UNC79: variants seen among roughly 807,000 people sequenced by gnomAD.
UNC79 encodes the protein unc-79 subunit of NALCN channel complex.
Under a neutral mutation model 283.1 loss-of-function variants are expected in UNC79, and 37 were observed. The ratio of observed to expected loss-of-function variants is 0.13; its 90% confidence interval spans 0.10 to 0.17. UNC79 has a LOEUF of 0.17. UNC79 is among the 10% of genes least tolerant of loss of function. The probability of loss-of-function intolerance (pLI) is 1.00; values close to 1 mark genes in which losing one functional copy is unlikely to be tolerated. For synonymous variants in UNC79, 1,107 were observed against 1,200.2 expected, an observed-to-expected ratio of 0.92 and a Z score of 1.61; for missense variants, 2,272 against 3,211.1, an observed-to-expected ratio of 0.71 and a Z score of 7.07.
At chr14:93,657,437 C>T (rs965512736) in intron 38 of UNC79, among the ~76,000 whole-genome samples, 63 of 151,586 alleles carry the variant, frequency 4.2e-4, no homozygotes, top group Non-Finnish European at 7.2e-4. Context: ...CTGCAAGCTC[C>T]GCCTCCTGGG....
At chr14:93,337,667 G>C (rs2053607750) in intron 1 of UNC79, among the ~76,000 whole-genome samples, 1 of 152,276 alleles carries the variant, frequency 6.6e-6, no homozygotes, top group Middle Eastern at 3.4e-3. Context: ...AACACAAATG[G>C]GCTGAAACAT....
At chr14:93,505,332 A>G (rs1296032667) in intron 7 of UNC79, among the ~76,000 whole-genome samples, 7 of 152,038 alleles carry the variant, frequency 4.6e-5, no homozygotes, top group African/African-American at 1.7e-4. Flanking sequence ...ATATATTTTC[A>G]GGCTGCATTA....
chr14:93,476,303 C>T (rs990848128), intron 3 of UNC79, among the ~76,000 whole-genome samples: 1 of 152,186 alleles, frequency 6.6e-6, no homozygotes, highest in African/African-American at 2.4e-5. Context: ...ACAATCACCT[C>T]TCTCCGGACC....
intron 1 of UNC79, among the ~76,000 whole-genome samples, chr14:93,461,849 A>G (rs2056972165): frequency 6.6e-6 from 1 of 152,134 alleles, no homozygotes; most frequent in Admixed American, 6.6e-5. Flanking sequence ...GACCTCCATA[A>G]TGAGGAAGGG....
chr14:93,385,328 GTCT>G (rs937920260), intron 1 of UNC79, among the ~76,000 whole-genome samples: 1 of 152,106 alleles, frequency 6.6e-6, no homozygotes, highest in African/African-American at 2.4e-5. Context: ...ATTTTTTGGT[GTCT>G]TCTTTAATTT....
intron 14 of UNC79, among the ~76,000 whole-genome samples, chr14:93,551,120 GC>G (rs1295748777): frequency 6.6e-6 from 1 of 152,114 alleles, no homozygotes; most frequent in Admixed American, 6.5e-5. Context: ...CGCAATCTCG[GC>G]TCACTGCAAG....
At chr14:93,701,374 A>C (rs953513473) in intron 47 of UNC79, among the ~76,000 whole-genome samples, 2 of 152,200 alleles carry the variant, frequency 1.3e-5, no homozygotes, top group African/African-American at 4.8e-5. Context: ...TTTAATTTTG[A>C]GGGCTGGAAT....
intron 46 of UNC79, 87 bp downstream of exon 49, chr14:93,692,033 A>T: frequency 6.8e-7 from 1 of 1,467,394 alleles, no homozygotes; most frequent in Admixed American, 1.7e-5. Context: ...GTTTTCACAG[A>T]TCTCAGTTGT....
chr14:93,394,039 C>T (rs1454618856), intron 1 of UNC79, among the ~76,000 whole-genome samples: 1 of 152,040 alleles, frequency 6.6e-6, no homozygotes, highest in Non-Finnish European at 1.5e-5. Context: ...GTGTCTTCTA[C>T]ACAGAATTCC....
rs550641646 is a variant in UNC79, at chr14:93,503,948, T to A, written c.898+6662T>A. ...TGTATCTGGAATTAATTTTTCTATATGGTATGAGGTAACGGCCAATCTCTT... is the reference window on the plus strand; with the variant it reads ...TGTATCTGGAATTAATTTTTCTATAAGGTATGAGGTAACGGCCAATCTCTT... On this transcript the variant is annotated intron_variant, in intron 7 of 48. Transcript: ENST00000555664. 5.3e-5 allele frequency among the ~76,000 whole-genome samples: 8 copies of A among 152,064 alleles called. No individual in the cohort carries two copies. The South Asian group carries it at 6.2e-4, about 12-fold the overall frequency.
chr14:93,539,249 G>T (rs1242260065), intron 12 of UNC79, among the ~76,000 whole-genome samples: 1 of 149,792 alleles, frequency 6.7e-6, no homozygotes, highest in African/African-American at 2.4e-5. Context: ...ATGGCCGGGC[G>T]CAGTGGCTCG....
At chr14:93,537,280 G>A (rs2061137803) in intron 11 of UNC79, among the ~76,000 whole-genome samples, 1 of 152,198 alleles carries the variant, frequency 6.6e-6, no homozygotes, top group South Asian at 2.1e-4. Context: ...AATGTCTTAC[G>A]CTCCACCACT....
At chr14:93,600,602 A>G (rs1281900824) in exon 25 of UNC79, 4 of 1,611,590 alleles carry the variant, frequency 2.5e-6, no homozygotes, top group Non-Finnish European at 1.7e-6. Flanking sequence ...CCAGTTTGAT[A>G]CTGTGGTTAA....
At chr14:93,467,381 T>C (rs1313776652) in intron 1 of UNC79, among the ~76,000 whole-genome samples, 1 of 151,950 alleles carries the variant, frequency 6.6e-6, no homozygotes, top group Non-Finnish European at 1.5e-5. Flanking sequence ...TTCTTAGTGA[T>C]AAAAACAAGC....
At chr14:93,629,300 T>C (rs1423802525) in intron 30 of UNC79, among the ~76,000 whole-genome samples, 1 of 152,218 alleles carries the variant, frequency 6.6e-6, no homozygotes, top group Non-Finnish European at 1.5e-5. Flanking sequence ...GCTTTTTCAC[T>C]AACATTATTG....
Position 93,610,615 on chromosome 14 carries a change from C to CT in UNC79, c.3755-2169dup, listed in dbSNP as rs200749234. 5.6e-3 allele frequency among the ~76,000 whole-genome samples: 819 copies of CT among 144,956 alleles called. 5 individuals are homozygous for CT. The highest frequency in any genetic ancestry group is 0.018 in the East Asian group (91 of 5,022). ...TATTTTTCTTTTCTTTTCTTTCTTT[C>CT]TTTTTTTTTTTTTGAGACAAGGTCT... On this transcript the variant is annotated intron_variant, in intron 26 of 48. Coordinates refer to ENST00000555664, the Ensembl canonical transcript of UNC79.
At chr14:93,346,185 C>G (rs1206875231) in intron 1 of UNC79, among the ~76,000 whole-genome samples, 1 of 151,932 alleles carries the variant, frequency 6.6e-6, no homozygotes, top group Non-Finnish European at 1.5e-5. Flanking sequence ...GAAAAGAAAT[C>G]TAAGAAAGAG....
intron 1 of UNC79, among the ~76,000 whole-genome samples, chr14:93,355,906 C>G (rs982896816): frequency 6.6e-6 from 1 of 152,188 alleles, no homozygotes. Flanking sequence ...TCCTATTGCT[C>G]TCTCAGCTCT....
intron 22 of UNC79, among the ~76,000 whole-genome samples, chr14:93,587,189 A>T (rs180987605): frequency 1.3e-5 from 2 of 152,284 alleles, no homozygotes; most frequent in Non-Finnish European, 2.9e-5. Flanking sequence ...AGAATATAGA[A>T]AATATAGAAA....
Sources: allele counts gnomAD v4.1 joint callset (sites outside exome capture counted in the v4.1 genomes callset), GRCh38; gene constraint gnomAD v4.1.1; transcripts MANE v1.5; gene names NCBI Gene and HGNC (gene_info 2026-07-23, HGNC 2026-07-21).